DLC1: variants seen among roughly 807,000 people sequenced by gnomAD.
The protein encoded by DLC1 is rho GTPase-activating protein 7.
DLC1 carries 54 observed loss-of-function variants against 140.3 expected under a neutral mutation model. The observed-to-expected ratio is 0.38, with a 90% CI of 0.31 to 0.48. The LOEUF (loss-of-function observed/expected upper bound fraction) is 0.48. Among genes scored for constraint, DLC1 ranks in the 20% least tolerant of loss-of-function variants. The pLI, the probability that DLC1 is intolerant of heterozygous loss-of-function variation, is 0.96. For synonymous variants in DLC1, 986 were observed against 728.1 expected, an observed-to-expected ratio of 1.35 and a Z score of -5.70; for missense variants, 2,536 against 1,907.0, an observed-to-expected ratio of 1.33 and a Z score of -6.14.
intron 5 of DLC1, among the ~76,000 whole-genome samples, chr8:13,211,076 C>T (rs1345424489): frequency 1.3e-5 from 2 of 152,156 alleles, no homozygotes; most frequent in Non-Finnish European, 2.9e-5. Flanking sequence ...CTGCCTCAAA[C>T]CAGCTAGGAC....
chr8:13,384,945 C>G (rs922037679), intron 4 of DLC1, among the ~76,000 whole-genome samples: 3 of 152,070 alleles, frequency 2.0e-5, no homozygotes, highest in Non-Finnish European at 2.9e-5. Flanking sequence ...CAACATTTTC[C>G]TCTTTCTTAT....
chr8:13,216,030 C>A lies in DLC1; in HGVS notation c.1348+89239G>T, dbSNP rs75198112. Among the ~76,000 whole-genome samples, 1,517 of 152,202 alleles carry A rather than the reference C, an allele frequency of 1.0e-2. 12 individuals carry two copies. Among genetic ancestry groups the A allele is most frequent in the South Asian group, 0.035 (170 of 4,820 alleles). On this transcript the variant is annotated intron_variant, in intron 5 of 17. Transcript: ENST00000276297. ...TTCTAACTCCATTCTCTCGCAGTTC[C>A]CATCTTTCCTACACATTGCATCAAA...
chr8:13,301,490 G>GTTTGTACCA (rs1198159398), intron 5 of DLC1, among the ~76,000 whole-genome samples: 2 of 152,202 alleles, frequency 1.3e-5, no homozygotes, highest in African/African-American at 4.8e-5. Context: ...TTGGGACTTA[G>GTTTGTACCA]TTTGTACCAA....
intron 5 of DLC1, among the ~76,000 whole-genome samples, chr8:13,194,412 T>C (rs1826933416): frequency 6.6e-6 from 1 of 152,226 alleles, no homozygotes; most frequent in South Asian, 2.1e-4. Flanking sequence ...TATATGAAAA[T>C]AACAGCTTGC....
At position 13,114,162 on chromosome 8, in the gene DLC1, G is replaced by A. The variant is rs1231230391; in HGVS notation, c.1420+1424C>T. The stretch of plus-strand genomic sequence containing the variant: ...GGATCACCTGAGGTCGGGAGTTCAC[G>A]ACCAGCTTGGCCAACATGGTAAAAC... On this transcript the variant is annotated intron_variant, in intron 6 of 17. Transcript: ENST00000276297. Among the ~76,000 whole-genome samples the A allele has an allele frequency of 7.6e-4, 115 of 152,182 alleles. 1 individual carries two copies. The highest frequency in any genetic ancestry group is 3.3e-4 in the Admixed American group (5 of 15,282).
intron 2 of DLC1, among the ~76,000 whole-genome samples, chr8:13,419,457 A>T (rs1026370096): frequency 6.6e-6 from 1 of 152,212 alleles, no homozygotes; most frequent in Non-Finnish European, 1.5e-5. Context: ...CCTTTTCTGC[A>T]TATGTTGAGA....
At chr8:13,477,397 C>T (rs757300573) in intron 2 of DLC1, among the ~76,000 whole-genome samples, 31 of 152,056 alleles carry the variant, frequency 2.0e-4, no homozygotes, top group East Asian at 1.9e-4. Flanking sequence ...AGTAAGAGCC[C>T]GTGGGAGACC....
chr8:13,474,364 G>A (rs962911336), intron 2 of DLC1, among the ~76,000 whole-genome samples: 1 of 152,216 alleles, frequency 6.6e-6, no homozygotes, highest in East Asian at 1.9e-4. Context: ...ACACCTGGAT[G>A]TCCAGGAAGA....
intron 2 of DLC1, among the ~76,000 whole-genome samples, chr8:13,488,148 A>T (rs773032394): frequency 6.6e-6 from 1 of 152,210 alleles, no homozygotes; most frequent in Non-Finnish European, 1.5e-5. Context: ...ACCTTGTTAT[A>T]ACTGTTCAAA....
chr8:13,590,462 T>C (rs935757490), intron 1 of DLC1, among the ~76,000 whole-genome samples: 4 of 152,068 alleles, frequency 2.6e-5, no homozygotes, highest in Non-Finnish European at 5.9e-5. Flanking sequence ...AGCTGGTTCT[T>C]TGGACACTTC....
At chr8:13,131,167 C>G (rs1822041690) in intron 5 of DLC1, among the ~76,000 whole-genome samples, 1 of 152,188 alleles carries the variant, frequency 6.6e-6, no homozygotes, top group African/African-American at 2.4e-5. Flanking sequence ...GCCAAGATGG[C>G]AACTCCATTA....
intron 1 of DLC1, among the ~76,000 whole-genome samples, chr8:13,525,793 T>G (rs2117295237): frequency 6.6e-6 from 1 of 152,318 alleles, no homozygotes; most frequent in South Asian, 2.1e-4. Flanking sequence ...TGAAAATGCC[T>G]TTTGAAGAGT....
At chr8:13,375,812 A>G (rs1729181) in intron 4 of DLC1, among the ~76,000 whole-genome samples, 77,319 of 151,994 alleles carry the variant, frequency 0.51, 20,099 homozygotes, top group East Asian at 0.81. Context: ...AAAGAAGAAC[A>G]TAAACTACAG....
intron 5 of DLC1, among the ~76,000 whole-genome samples, chr8:13,183,272 T>G (rs1283633005): frequency 1.3e-5 from 2 of 152,200 alleles, no homozygotes; most frequent in Non-Finnish European, 2.9e-5. Context: ...CAGGGACAAT[T>G]TGACTTCCTC....
intron 5 of DLC1, among the ~76,000 whole-genome samples, chr8:13,161,317 G>A (rs549053103): frequency 8.9e-4 from 134 of 151,024 alleles, no homozygotes; most frequent in African/African-American, 1.7e-3. Flanking sequence ...GGTGATCAGC[G>A]TCATTTGTGG....
At chr8:13,275,845 A>T (rs1302240826) in intron 5 of DLC1, among the ~76,000 whole-genome samples, 1 of 152,036 alleles carries the variant, frequency 6.6e-6, no homozygotes, top group Non-Finnish European at 1.5e-5. Flanking sequence ...TCCTGCACAC[A>T]CGCCAGGGCA....
chr8:13,284,836 A>G (rs769015509), intron 5 of DLC1, among the ~76,000 whole-genome samples: 1 of 152,200 alleles, frequency 6.6e-6, no homozygotes, highest in Non-Finnish European at 1.5e-5. Flanking sequence ...TTTGTACAAA[A>G]ATTTGTACAC....
chr8:13,279,789 A>G (rs937365462), intron 5 of DLC1, among the ~76,000 whole-genome samples: 5 of 152,200 alleles, frequency 3.3e-5, no homozygotes, highest in African/African-American at 1.2e-4. Context: ...AGACACAGAA[A>G]AGGTGCTGCT....
At chr8:13,150,145 G>A (rs1823703145) in intron 5 of DLC1, among the ~76,000 whole-genome samples, 1 of 151,068 alleles carries the variant, frequency 6.6e-6, no homozygotes, top group Non-Finnish European at 1.5e-5. Flanking sequence ...CTCTTAGACA[G>A]CTTAAAAGAA....
Sources: gnomAD v4.1 joint callset for allele counts (sites outside exome capture counted in the v4.1 genomes callset) on GRCh38, gnomAD v4.1.1 for gene constraint, MANE v1.5 for transcripts, NCBI Gene and HGNC (gene_info 2026-07-23, HGNC 2026-07-21) for gene names.